Variants in PCCA observed in about 807,000 individuals in gnomAD.
PCCA encodes the protein propionyl-CoA carboxylase alpha chain, mitochondrial.
Under a neutral mutation model 101.3 loss-of-function variants are expected in PCCA, and 74 were observed. That is an observed-to-expected ratio of 0.73 (90% CI 0.61 to 0.89). PCCA has a LOEUF of 0.89. Among genes scored for constraint, PCCA ranks in the 40% least tolerant of loss-of-function variants. The pLI is 0.00. For synonymous variants in PCCA, 294 were observed against 313.6 expected (o/e 0.94, Z 0.66); for missense variants, 891 against 907.0 (o/e 0.98, Z 0.23).
intron 19 of PCCA, among the ~76,000 whole-genome samples, chr13:100,377,884 A>C (rs2076017171): frequency 6.8e-6 from 1 of 147,944 alleles, no homozygotes; most frequent in African/African-American, 2.7e-5. Flanking sequence ...CATATCATTA[A>C]TTGCTTTCTG....
chr13:100,109,616 C>G (rs2048122464), intron 2 of PCCA, among the ~76,000 whole-genome samples: 1 of 152,156 alleles, frequency 6.6e-6, no homozygotes, highest in Non-Finnish European at 1.5e-5. Context: ...TTTACCATGA[C>G]CATTTAAATA....
intron 4 of PCCA, among the ~76,000 whole-genome samples, chr13:100,128,550 T>C (rs1439248207): frequency 6.6e-6 from 1 of 152,044 alleles, no homozygotes; most frequent in East Asian, 1.9e-4. Context: ...AGGGGTAAAA[T>C]GTAAGCTGAG....
chr13:100,304,157 A>C (rs2066281634), intron 14 of PCCA, among the ~76,000 whole-genome samples: 1 of 152,248 alleles, frequency 6.6e-6, no homozygotes, highest in South Asian at 2.1e-4. Context: ...TACAGTCTTC[A>C]TCCCACCAAA....
intron 4 of PCCA, among the ~76,000 whole-genome samples, chr13:100,151,406 A>G (rs2053300100): frequency 6.6e-6 from 1 of 152,190 alleles, no homozygotes; most frequent in African/African-American, 2.4e-5. Context: ...AGCCTGACCC[A>G]CATGGAGAAA....
chr13:100,234,488 AAC>A (rs2060667706), intron 7 of PCCA, among the ~76,000 whole-genome samples: 4 of 152,006 alleles, frequency 2.6e-5, no homozygotes, highest in Admixed American at 2.6e-4. Flanking sequence ...AAAAAAAAAA[AAC>A]AACTTAAAAC....
intron 19 of PCCA, among the ~76,000 whole-genome samples, chr13:100,413,403 A>G (rs1355020907): frequency 6.6e-6 from 1 of 152,268 alleles, no homozygotes; most frequent in Non-Finnish European, 1.5e-5. Flanking sequence ...CAAAATACAT[A>G]TGAAAAGCAA....
chr13:100,119,655 G>A (rs1406302120), intron 4 of PCCA, among the ~76,000 whole-genome samples: 2 of 151,936 alleles, frequency 1.3e-5, no homozygotes, highest in Non-Finnish European at 2.9e-5. Context: ...TCTCTATTTC[G>A]TAGGTTGATT....
intron 21 of PCCA, chr13:100,490,466 T>C (rs2084821217): frequency 6.6e-6 from 1 of 152,236 alleles, no homozygotes; most frequent in Non-Finnish European, 1.5e-5. Flanking sequence ...TAGAAGAACA[T>C]GCACAGTTAG....
chr13:100,494,508 A>AC (rs2085131281), intron 21 of PCCA, among the ~76,000 whole-genome samples: 1 of 151,216 alleles, frequency 6.6e-6, no homozygotes, highest in African/African-American at 2.4e-5. Flanking sequence ...ACATGGAGAA[A>AC]CCCTGCCTCT....
At chr13:100,512,464 G>A (rs2086555378) in intron 21 of PCCA, among the ~76,000 whole-genome samples, 1 of 152,192 alleles carries the variant, frequency 6.6e-6, no homozygotes, top group African/African-American at 2.4e-5. Context: ...CTTACGTGGT[G>A]AGCTGTTTTT....
chr13:100,329,616 ATAT>A lies in PCCA; in HGVS notation c.1430-941_1430-939del, dbSNP rs1363330924. Among the ~76,000 whole-genome samples the A allele has an allele frequency of 3.9e-5, 6 of 152,290 alleles. No individual in the cohort carries two copies. The East Asian group carries it at 7.7e-4, about 20-fold the overall frequency. On this transcript the variant is annotated intron_variant, in intron 16 of 23. Transcript: ENST00000376285. ...CTCATGAGCTGACTGAAAATAAAAAATATTATCATTTTGAAGTGTTGTCTTTTC... is the reference window on the plus strand; with the variant it reads ...CTCATGAGCTGACTGAAAATAAAAAATATCATTTTGAAGTGTTGTCTTTTC...
intron 21 of PCCA, among the ~76,000 whole-genome samples, chr13:100,478,532 T>A (rs1490654394): frequency 6.6e-6 from 1 of 152,186 alleles, no homozygotes; most frequent in Admixed American, 6.5e-5. Flanking sequence ...CCCAGCACAC[T>A]CTCAGCCTCT....
intron 6 of PCCA, among the ~76,000 whole-genome samples, chr13:100,186,638 AG>A (rs1395780142): frequency 6.6e-6 from 1 of 150,778 alleles, no homozygotes; most frequent in Non-Finnish European, 1.5e-5. Flanking sequence ...GCTACTCAGG[AG>A]GCTGAGGCAG....
At chr13:100,269,055 T>C (rs1270320728) in intron 11 of PCCA, among the ~76,000 whole-genome samples, 1 of 152,136 alleles carries the variant, frequency 6.6e-6, no homozygotes, top group Non-Finnish European at 1.5e-5. Flanking sequence ...GTCATGTTGC[T>C]CAGGCTGGCC....
chr13:100,282,511 G>A lies in PCCA; in HGVS notation c.1065+9165G>A, dbSNP rs558429520. ...GCGGGCCAGCTGGAGTTCCAGGTGG[G>A]CGTGGGCTTGGCGGGCCCCACACTC... On this transcript the variant is annotated intron_variant, in intron 12 of 23. Transcript: ENST00000376285. Among the ~76,000 whole-genome samples, 17 of 152,354 alleles carry A rather than the reference G, an allele frequency of 1.1e-4. No individual in the cohort carries two copies. In the South Asian group the frequency reaches 2.1e-3, roughly 19 times the overall value.
chr13:100,499,361 T>C (rs3783178), intron 21 of PCCA, among the ~76,000 whole-genome samples: 35,033 of 152,222 alleles, frequency 0.23, 4,140 homozygotes, highest in Non-Finnish European at 0.25. Flanking sequence ...ATCTGCAGGA[T>C]GTAAGAGATT....
intron 21 of PCCA, among the ~76,000 whole-genome samples, chr13:100,501,871 C>A (rs1320199696): frequency 1.4e-5 from 2 of 140,622 alleles, no homozygotes; most frequent in Non-Finnish European, 3.1e-5. Context: ...GACACTCCTT[C>A]TCAATAAATA....
intron 12 of PCCA, among the ~76,000 whole-genome samples, chr13:100,292,206 A>G (rs2065178649): frequency 1.3e-5 from 2 of 152,240 alleles, no homozygotes; most frequent in South Asian, 2.1e-4. Context: ...TGAGAAATTC[A>G]GTGAGATTCA....
rs931525430 is a variant in PCCA at position 100,366,159 on chromosome 13, G to A, written c.1644-2313G>A. Among the ~76,000 whole-genome samples, 5 of 152,154 alleles carry A rather than the reference G, an allele frequency of 3.3e-5. No homozygotes were observed. In the South Asian group the frequency reaches 8.3e-4, roughly 25 times the overall value. ...CAGATTCAAGAAAGCCAAGTTGCAC[G>A]GTCATCTAGATGTGAGGCTGTTTCT... On this transcript the variant is annotated intron_variant, in intron 18 of 23. Transcript: ENST00000376285.
Sources: gnomAD v4.1 joint callset for allele counts (sites outside exome capture counted in the v4.1 genomes callset) on GRCh38, gnomAD v4.1.1 for gene constraint, MANE v1.5 for transcripts, NCBI Gene and HGNC (gene_info 2026-07-23, HGNC 2026-07-21) for gene names.